SPATA31C1: variants seen among roughly 807,000 people sequenced by gnomAD.
SPATA31C1 encodes the protein SPATA31 subfamily C member 1.
exon 5 of SPATA31C1, chr9:87,922,637 C>G (rs771058641): frequency 2.1e-5 from 33 of 1,608,820 alleles, no homozygotes; most frequent in Non-Finnish European, 2.7e-5. Context: ...AGGGCCATCT[C>G]CAGAGCACGC....
rs1361934083 is a variant in SPATA31C1, at chr9:87,917,201, G to A, written n.190-646G>A. ...CAGAGGCGGGCAGATCACAAGGTCCGGAGATCGAGGCCATCCTGGCTAACA... is the reference window on the plus strand; with the variant it reads ...CAGAGGCGGGCAGATCACAAGGTCCAGAGATCGAGGCCATCCTGGCTAACA... On this transcript the variant is annotated intron_variant and non_coding_transcript_variant, in intron 1 of 4. Transcript: ENST00000420021. Among the ~76,000 whole-genome samples the A allele has an allele frequency of 6.3e-3, 878 of 138,858 alleles. 5 individuals are homozygous for A. In the East Asian group the frequency reaches 0.17, roughly 26 times the overall value. The allele number at this position is 138,858 out of a possible 152,430, so 91.1% of individuals were successfully genotyped here.
At chr9:87,922,276 G>A (rs2118001284) in exon 5 of SPATA31C1, 1 of 1,612,546 alleles carries the variant, frequency 6.2e-7, no homozygotes, top group Middle Eastern at 1.7e-4. Context: ...ACCCAGCAGA[G>A]CAGGAGCTTA....
intron 3 of SPATA31C1, 61 bp downstream of exon 2, chr9:87,919,409 A>C: frequency 1.3e-6 from 2 of 1,589,424 alleles, no homozygotes; most frequent in Non-Finnish European, 1.7e-6. Context: ...GAGGGAACTG[A>C]CTCTGAAGAA....
intron 3 of SPATA31C1, 78 bp from the exon 3 acceptor site, chr9:87,919,838 C>T (rs1263059935): frequency 1.3e-6 from 2 of 1,591,232 alleles, no homozygotes; most frequent in Non-Finnish European, 1.7e-6. Context: ...CCATGGTCTT[C>T]CCTAAAGAAA....
intron 3 of SPATA31C1, 28 bp from the exon 3 acceptor site, chr9:87,919,888 C>T: frequency 1.2e-6 from 2 of 1,606,276 alleles, no homozygotes; most frequent in Non-Finnish European, 1.7e-6. Flanking sequence ...GCCCCTCCCT[C>T]ACTGCCCTAA....
chr9:87,922,158 C>T (rs761340626), exon 5 of SPATA31C1: 2 of 1,613,326 alleles, frequency 1.2e-6, no homozygotes, highest in Non-Finnish European at 8.5e-7. Flanking sequence ...CCAGAGGGCC[C>T]CGCGAGGGAT....
At chr9:87,922,386 G>A in exon 5 of SPATA31C1, 1 of 1,610,416 alleles carries the variant, frequency 6.2e-7, no homozygotes, top group South Asian at 1.1e-5. Flanking sequence ...AGCCACAAGT[G>A]AGGATGTGCG....
chr9:87,921,320 G>C lies in SPATA31C1; in HGVS notation n.1710G>C, dbSNP rs979026859. On this transcript the variant is annotated non_coding_transcript_exon_variant, in exon 5 of 5. Transcript: ENST00000420021. ...TGGGGCAACGTGGAAGGATCCAAGAGTCTCTGGATCTGATGCAGCTTCAGG... is the reference window on the plus strand; with the variant it reads ...TGGGGCAACGTGGAAGGATCCAAGACTCTCTGGATCTGATGCAGCTTCAGG... 5 of 1,611,918 alleles carry C rather than the reference G, an allele frequency of 3.1e-6. No homozygotes were observed. The African/African-American group carries it at 6.7e-5, about 22-fold the overall frequency.
exon 3 of SPATA31C1, chr9:87,919,302 G>A: frequency 1.1e-5 from 16 of 1,406,092 alleles, no homozygotes; most frequent in Non-Finnish European, 1.5e-5. Context: ...GTCCAACAGG[G>A]CGGAGGGGGA....
At chr9:87,921,678 G>A in exon 5 of SPATA31C1, 1 of 1,612,026 alleles carries the variant, frequency 6.2e-7, no homozygotes, top group Non-Finnish European at 8.5e-7. Flanking sequence ...CAGAAAGTTG[G>A]GCCAGACCAA....
At chr9:87,917,071 A>G (rs1427975613) in intron 1 of SPATA31C1, among the ~76,000 whole-genome samples, 2 of 133,102 alleles carry the variant, frequency 1.5e-5, no homozygotes, top group Non-Finnish European at 3.2e-5. Context: ...CATAAATAGA[A>G]TTTTAAAAAA....
exon 5 of SPATA31C1, chr9:87,921,655 A>G (rs1322934092): frequency 8.7e-6 from 14 of 1,612,042 alleles, no homozygotes; most frequent in East Asian, 2.2e-5. Flanking sequence ...AACATCCTGA[A>G]AGCCCACATG....
intron 1 of SPATA31C1, among the ~76,000 whole-genome samples, chr9:87,915,372 G>C (rs1312509313): frequency 1.4e-5 from 2 of 144,230 alleles, no homozygotes; most frequent in Non-Finnish European, 3.1e-5. Context: ...GAGCGATACC[G>C]GCTCAGTGCC....
exon 5 of SPATA31C1, chr9:87,922,754 C>A: frequency 2.5e-6 from 4 of 1,606,524 alleles, no homozygotes; most frequent in Non-Finnish European, 3.4e-6. Context: ...AAGGCTCATG[C>A]AAGAGCCAAA....
chr9:87,919,085 T>C (rs1337810103), intron 2 of SPATA31C1, 170 bp from the exon 2 acceptor site: 2 of 1,128,782 alleles, frequency 1.8e-6, no homozygotes, highest in Non-Finnish European at 1.3e-6. Flanking sequence ...TTCCTGTTTT[T>C]CTAAGAAAAG....
exon 5 of SPATA31C1, chr9:87,920,446 C>T (rs1157880445): frequency 3.1e-6 from 5 of 1,613,998 alleles, no homozygotes; most frequent in Non-Finnish European, 4.2e-6. Context: ...CTGGCCTCCA[C>T]CCCACCACCA....
intron 1 of SPATA31C1, among the ~76,000 whole-genome samples, chr9:87,916,161 G>C (rs937124785): frequency 1.4e-5 from 2 of 141,380 alleles, no homozygotes; most frequent in African/African-American, 5.2e-5. Context: ...ATGCCAGAGT[G>C]ATCAGATATC....
At chr9:87,918,461 GGGGAGGTCTCTGGTCATGAGAC>G (rs1828762049) in intron 2 of SPATA31C1, 1 of 2,348 alleles carries the variant, frequency 4.3e-4, no homozygotes, top group Admixed American at 3.2e-3. Flanking sequence ...TCATGAGACG[GGGGAGGTCTCTGGTCATGAGAC>G]GGGAGGTCTC....
At chr9:87,917,178 G>A (rs1413342474) in intron 1 of SPATA31C1, among the ~76,000 whole-genome samples, 5 of 139,232 alleles carry the variant, frequency 3.6e-5, no homozygotes, top group Admixed American at 7.5e-5. Flanking sequence ...TTGGGAGGCA[G>A]AGGCGGGCAG....
Sources: gnomAD v4.1 joint callset for allele counts (sites outside exome capture counted in the v4.1 genomes callset) on GRCh38, gnomAD v4.1.1 for gene constraint, MANE v1.5 for transcripts, NCBI Gene and HGNC (gene_info 2026-07-23, HGNC 2026-07-21) for gene names.